The following PTPRD variants were observed in gnomAD, a reference collection of about 807,000 sequenced individuals.
PTPRD encodes receptor-type tyrosine-protein phosphatase delta.
A neutral mutation model predicts 214.5 loss-of-function variants in PTPRD; 34 were observed. The ratio of observed to expected loss-of-function variants is 0.16; its 90% CI spans 0.12 to 0.21. The LOEUF (loss-of-function observed/expected upper bound fraction) is 0.21, where lower values mean the gene tolerates loss of function less well. Ranked by LOEUF, PTPRD falls within the 10% of genes least tolerant of loss-of-function variation. PTPRD has a pLI of 1.00. For synonymous variants in PTPRD, 1,128 were observed against 845.7 expected (o/e 1.33, Z -5.79); for missense variants, 2,545 against 2,398.7 (o/e 1.06, Z -1.27).
rs368886567 is a variant in PTPRD at position 9,130,724 on chromosome 9, G to A, written c.-143+52580C>T. ...TGAATTGTGATTACCTGGGTGTTGC[G>A]TATGGATAACGATTGAATGGAAATC... On this transcript the variant is annotated intron_variant, in intron 10 of 45. Transcript: ENST00000381196. Among the ~76,000 whole-genome samples the A allele has an allele frequency of 1.6e-4, 24 of 152,220 alleles. No homozygotes were observed. In the East Asian group the frequency reaches 2.9e-3, roughly 18 times the overall value.
chr9:9,349,545 G>T (rs974633600), intron 9 of PTPRD, among the ~76,000 whole-genome samples: 1 of 151,078 alleles, frequency 6.6e-6, no homozygotes, highest in Admixed American at 6.6e-5. Flanking sequence ...AAATTCAACT[G>T]TCTGATGGTT....
intron 4 of PTPRD, among the ~76,000 whole-genome samples, chr9:10,018,538 CTTTTTTTTTTT>C (rs71321214): frequency 1.4e-5 from 1 of 71,094 alleles, no homozygotes; most frequent in Admixed American, 2.2e-4. Flanking sequence ...AATTACATTT[CTTTTTTTTTTT>C]TTTTTTTTTT....
chr9:9,342,238 T>C (rs1363590817), intron 9 of PTPRD, among the ~76,000 whole-genome samples: 2 of 152,224 alleles, frequency 1.3e-5, no homozygotes, highest in South Asian at 4.1e-4. Context: ...TCATGCTTTA[T>C]AGAACTCCCA....
intron 3 of PTPRD, among the ~76,000 whole-genome samples, chr9:10,144,708 T>C (rs1374407776): frequency 2.0e-5 from 3 of 152,128 alleles, no homozygotes; most frequent in Admixed American, 6.6e-5. Context: ...CTTCGTTAGA[T>C]ATTAATGAAT....
chr9:10,371,452 G>A (rs1231804318), intron 2 of PTPRD, among the ~76,000 whole-genome samples: 1 of 151,888 alleles, frequency 6.6e-6, no homozygotes, highest in African/African-American at 2.4e-5. Flanking sequence ...CAAACCTTTT[G>A]ATACCATTTA....
intron 14 of PTPRD, 22 bp downstream of exon 14, chr9:8,633,295 C>T (rs1377914135): frequency 6.2e-7 from 1 of 1,604,814 alleles, no homozygotes. Context: ...ACACAAACGA[C>T]AACCTTCACT....
intron 3 of PTPRD, among the ~76,000 whole-genome samples, chr9:10,212,885 T>A (rs1467401487): frequency 1.3e-5 from 2 of 152,178 alleles, no homozygotes; most frequent in Non-Finnish European, 2.9e-5. Flanking sequence ...TATTAAGGAA[T>A]TCCGGCAGAT....
intron 21 of PTPRD, among the ~76,000 whole-genome samples, chr9:8,515,938 G>C (rs913127365): frequency 1.3e-5 from 2 of 152,274 alleles, no homozygotes; most frequent in Middle Eastern, 3.4e-3. Context: ...AGTTCAGAGA[G>C]AGATGACATA....
intron 3 of PTPRD, among the ~76,000 whole-genome samples, chr9:10,338,228 G>C (rs1366694826): frequency 6.6e-6 from 1 of 151,552 alleles, no homozygotes; most frequent in African/African-American, 2.4e-5. Flanking sequence ...TGGCTACCAG[G>C]AGTCATGTAT....
intron 5 of PTPRD, among the ~76,000 whole-genome samples, chr9:9,842,272 A>C (rs1368353872): frequency 6.6e-6 from 1 of 150,470 alleles, no homozygotes; most frequent in Non-Finnish European, 1.5e-5. Context: ...AAAACACAAA[A>C]AACTCAAAGT....
chr9:10,406,103 T>C (rs1197269468), intron 2 of PTPRD, among the ~76,000 whole-genome samples: 1 of 151,344 alleles, frequency 6.6e-6, no homozygotes, highest in African/African-American at 2.4e-5. Context: ...TTACTGATGT[T>C]ACTAGCTGAG....
At chr9:8,992,119 C>T (rs1392234109) in intron 11 of PTPRD, among the ~76,000 whole-genome samples, 1 of 151,990 alleles carries the variant, frequency 6.6e-6, no homozygotes, top group Non-Finnish European at 1.5e-5. Flanking sequence ...ACTCTGATGT[C>T]TGATGATACT....
intron 3 of PTPRD, among the ~76,000 whole-genome samples, chr9:10,151,383 C>T (rs1429499612): frequency 6.6e-6 from 1 of 150,454 alleles, no homozygotes; most frequent in African/African-American, 2.4e-5. Flanking sequence ...CTTCCTCAGC[C>T]TCCCGAGTAG....
At chr9:9,373,194 T>G (rs889663036) in intron 9 of PTPRD, among the ~76,000 whole-genome samples, 7 of 152,084 alleles carry the variant, frequency 4.6e-5, no homozygotes, top group African/African-American at 1.7e-4. Context: ...ACTTTCTCAG[T>G]TCAAATACCT....
chr9:8,785,557 A>C (rs371825647), intron 11 of PTPRD, among the ~76,000 whole-genome samples: 1 of 152,208 alleles, frequency 6.6e-6, no homozygotes, highest in Non-Finnish European at 1.5e-5. Flanking sequence ...CTCTGCCTCC[A>C]TATTAAAGAC....
At chr9:9,658,865 C>T (rs759442869) in intron 7 of PTPRD, among the ~76,000 whole-genome samples, 4 of 152,144 alleles carry the variant, frequency 2.6e-5, no homozygotes, top group South Asian at 2.1e-4. Flanking sequence ...TTATATTGAA[C>T]ATTGAAGCCC....
At chr9:10,225,453 C>T (rs191542420) in intron 3 of PTPRD, among the ~76,000 whole-genome samples, 4 of 151,866 alleles carry the variant, frequency 2.6e-5, no homozygotes, top group Admixed American at 2.0e-4. Context: ...CAAGTTAGCT[C>T]GTGTTTTTAA....
intron 8 of PTPRD, among the ~76,000 whole-genome samples, chr9:9,402,507 A>G (rs1019736054): frequency 3.9e-5 from 6 of 152,122 alleles, no homozygotes; most frequent in African/African-American, 1.4e-4. Flanking sequence ...TACATTCTCA[A>G]CAGAGGACAC....
intron 10 of PTPRD, among the ~76,000 whole-genome samples, chr9:9,042,554 CT>C (rs1335728084): frequency 1.3e-5 from 2 of 151,300 alleles, no homozygotes; most frequent in East Asian, 3.9e-4. Flanking sequence ...ATTAGAGTCA[CT>C]TAAGACTTGT....
Sources: gnomAD v4.1 joint callset for allele counts (sites outside exome capture counted in the v4.1 genomes callset) on GRCh38, gnomAD v4.1.1 for gene constraint, MANE v1.5 for transcripts, NCBI Gene and HGNC (gene_info 2026-07-23, HGNC 2026-07-21) for gene names.